Variants in BMP7 observed in about 807,000 individuals in gnomAD.
BMP7 encodes the protein bone morphogenetic protein 7.
Under a neutral mutation model 41.2 loss-of-function variants are expected in BMP7, and 12 were observed. The ratio of observed to expected loss-of-function variants is 0.29; its 90% CI spans 0.19 to 0.47. BMP7 has a LOEUF of 0.47. Ranked by LOEUF, BMP7 falls within the 20% of genes least tolerant of loss-of-function variation. The pLI is 0.99. For missense variants in BMP7, 467 were observed against 606.0 expected (o/e 0.77, Z 2.41); for synonymous variants, 248 against 250.0 (o/e 0.99, Z 0.07).
intron 2 of BMP7, chr20:57,225,982 C>G (rs774103529): frequency 2.1e-6 from 1 of 470,698 alleles, no homozygotes; most frequent in South Asian, 1.5e-5. Context: ...GACTCAGTCA[C>G]TCAGCAGCCC....
At chr20:57,192,490 A>G (rs1028745241) in intron 3 of BMP7, among the ~76,000 whole-genome samples, 1 of 151,534 alleles carries the variant, frequency 6.6e-6, no homozygotes, top group Non-Finnish European at 1.5e-5. Context: ...ATAAAATATC[A>G]GATTTAGTCA....
chr20:57,197,001 A>T lies in BMP7; in HGVS notation c.760+5474T>A, dbSNP rs181913937. ...ACTGCAACCTCCACCTCCCGGGTTC[A>T]AGTGATTCTCCTGAGTCAGCCTCCC... On this transcript the variant is annotated intron_variant, in intron 3 of 6. Coordinates refer to ENST00000395863, the MANE Select transcript of BMP7 (RefSeq NM_001719.3). Among the ~76,000 whole-genome samples, 37 of 152,006 alleles carry T rather than the reference A, an allele frequency of 2.4e-4. No homozygotes were observed. In the East Asian group the frequency reaches 6.8e-3, roughly 28 times the overall value.
intron 1 of BMP7, among the ~76,000 whole-genome samples, chr20:57,263,444 C>A (rs1205959619): frequency 1.3e-5 from 2 of 152,226 alleles, no homozygotes; most frequent in South Asian, 2.1e-4. Context: ...CCCAGAGGCA[C>A]CCTCCGAGCA....
intron 1 of BMP7, among the ~76,000 whole-genome samples, chr20:57,237,403 G>A (rs767686211): frequency 1.2e-4 from 18 of 152,206 alleles, no homozygotes; most frequent in African/African-American, 4.1e-4. Context: ...TCATCTGGAA[G>A]GTTCTGGCAC....
chr20:57,199,865 C>T (rs778420690), intron 3 of BMP7, among the ~76,000 whole-genome samples: 7 of 152,218 alleles, frequency 4.6e-5, no homozygotes, highest in African/African-American at 7.2e-5. Context: ...AGTCACTGGG[C>T]GGTGGCACCA....
At chr20:57,239,797 C>T (rs1408855385) in intron 1 of BMP7, among the ~76,000 whole-genome samples, 1 of 152,226 alleles carries the variant, frequency 6.6e-6, no homozygotes, top group East Asian at 1.9e-4. Context: ...GGGCTTCTAC[C>T]CTCTGAAATC....
At chr20:57,178,884 T>G (rs749725551) in intron 4 of BMP7, among the ~76,000 whole-genome samples, 2 of 152,148 alleles carry the variant, frequency 1.3e-5, no homozygotes, top group Admixed American at 6.5e-5. Flanking sequence ...GCAATGTCTG[T>G]CATGAGCACA....
chr20:57,173,308 G>C lies in BMP7; in HGVS notation c.1038C>G (p.Asp346Glu). 1.2e-6 allele frequency: 2 copies of C among 1,613,688 alleles called. No homozygotes were observed. Among genetic ancestry groups the C allele is most frequent in the Non-Finnish European group, 1.7e-6 (2 of 1,179,648 alleles). The change falls in exon 6 of 7, where the codon GAC (aspartate) becomes GAG (glutamate). Residue 346 changes from aspartate to glutamate, a missense_variant and splice_region_variant. Asp to Glu is a conservative substitution (Grantham distance 45). Around this residue, in one of 2 missense-constraint regions of BMP7, gnomAD observed 407 missense variants for 485.9 expected, o/e 0.84. Transcript: ENST00000395863. ...YVSFRDLGWQ[D>E]WIIAPEGYAA... ...CGTAGCCTTCAGGCGCGATGATCCA[G>C]TCCTGAGGAGGAGAAGAGAGTGTGG...
chr20:57,222,810 C>T lies in BMP7; in HGVS notation c.611+5419G>A, dbSNP rs140658178. ...AGGAGACGAGGAAACAGGCATGTAG[C>T]CTTCAGGAGCAGCAAGAAACTCCAG... On this transcript the variant is annotated intron_variant, in intron 2 of 6. Coordinates refer to ENST00000395863, the MANE Select transcript of BMP7 (RefSeq NM_001719.3). Among the ~76,000 whole-genome samples the T allele has an allele frequency of 2.1e-4, 29 of 139,472 alleles. No homozygotes were observed. The East Asian group carries it at 5.6e-3, about 27-fold the overall frequency. 91.5% of individuals were successfully genotyped at this position (139,472 alleles called of 152,430 possible).
At chr20:57,184,021 C>G (rs1984153276) in intron 3 of BMP7, 102 bp from the exon 4 acceptor site, 1 of 1,277,374 alleles carries the variant, frequency 7.8e-7, no homozygotes, top group East Asian at 2.5e-5. Flanking sequence ...TTCATGAACT[C>G]CTTATTCCTC....
chr20:57,223,784 G>A (rs1224104709), intron 2 of BMP7, among the ~76,000 whole-genome samples: 3 of 152,186 alleles, frequency 2.0e-5, no homozygotes, highest in Non-Finnish European at 2.9e-5. Context: ...ACGTGACCAT[G>A]GCTCTCTGCC....
chr20:57,199,133 G>A (rs1984566284), intron 3 of BMP7, among the ~76,000 whole-genome samples: 1 of 152,178 alleles, frequency 6.6e-6, no homozygotes, highest in South Asian at 2.1e-4. Flanking sequence ...CAGGGTCTCT[G>A]CAGCCAGCTC....
chr20:57,266,247 C>A lies in BMP7; in HGVS notation c.-125G>T. ...CTGCAGACGGGCCCCGCTGCGCCCGCGCCAGACATGGCCCCTCCCCGGCCG... is the reference window on the plus strand; with the variant it reads ...CTGCAGACGGGCCCCGCTGCGCCCGAGCCAGACATGGCCCCTCCCCGGCCG... On this transcript the variant is annotated 5_prime_UTR_variant, in exon 1 of 7. Coordinates refer to ENST00000395863, the MANE Select transcript of BMP7 (RefSeq NM_001719.3). The A allele has an allele frequency of 9.9e-7, 1 of 1,014,608 alleles. No homozygotes were observed. The highest frequency in any genetic ancestry group is 1.3e-6 in the Non-Finnish European group (1 of 770,050). 62.9% of individuals were successfully genotyped at this position (1,014,608 alleles called of 1,614,324 possible).
At chr20:57,249,350 T>C (rs554940489) in intron 1 of BMP7, among the ~76,000 whole-genome samples, 1 of 152,186 alleles carries the variant, frequency 6.6e-6, no homozygotes, top group African/African-American at 2.4e-5. Context: ...TTTCATCCCA[T>C]GTGCAACGGA....
chr20:57,264,578 G>A (rs1351164288), intron 1 of BMP7, among the ~76,000 whole-genome samples: 1 of 152,148 alleles, frequency 6.6e-6, no homozygotes, highest in East Asian at 1.9e-4. Context: ...GGGTCGTCGC[G>A]GCTCCAGTCG....
intron 1 of BMP7, chr20:57,243,882 C>G (rs1002361521): frequency 2.0e-5 from 3 of 151,786 alleles, no homozygotes; most frequent in Non-Finnish European, 2.9e-5. Flanking sequence ...CCACTGTCCT[C>G]TCTTCTAGAT....
intron 4 of BMP7, among the ~76,000 whole-genome samples, chr20:57,176,792 C>A (rs77759395): frequency 1.9e-5 from 1 of 52,716 alleles, no homozygotes; most frequent in African/African-American, 5.4e-5. Context: ...ACACACACAC[C>A]TGTTAACTGT....
intron 2 of BMP7, among the ~76,000 whole-genome samples, chr20:57,212,103 T>G (rs1984902566): frequency 6.6e-6 from 1 of 152,092 alleles, no homozygotes; most frequent in Admixed American, 6.5e-5. Flanking sequence ...AGAGGGTCAT[T>G]CAAACCCTAA....
intron 1 of BMP7, among the ~76,000 whole-genome samples, chr20:57,231,086 C>T (rs1280611871): frequency 1.3e-5 from 2 of 152,206 alleles, no homozygotes; most frequent in African/African-American, 4.8e-5. Context: ...ACATTACCAA[C>T]CCCCTTTCCC....
Sources: gnomAD v4.1 joint callset for allele counts (sites outside exome capture counted in the v4.1 genomes callset) on GRCh38, gnomAD v4.1.1 for gene constraint, gnomAD v4.1.1 regional missense constraint, MANE v1.5 for transcripts, NCBI Gene and HGNC (gene_info 2026-07-23, HGNC 2026-07-21) for gene names.